Variants in SMAD3 observed in about 807,000 individuals in gnomAD.
SMAD3 encodes the protein SMAD family member 3.
In SMAD3, 12 loss-of-function variants were observed where a neutral mutation model predicts 51.8. The ratio of observed to expected loss-of-function variants is 0.23; its 90% CI spans 0.15 to 0.38. The LOEUF is 0.38. Ranked by LOEUF, SMAD3 falls within the 10% of genes least tolerant of loss-of-function variation. SMAD3 has a pLI of 1.00. For synonymous variants in SMAD3, 238 were observed against 227.7 expected (o/e 1.05, Z -0.41); for missense variants, 294 against 565.6 (o/e 0.52, Z 4.87).
chr15:67,162,231 G>A (rs950184717), intron 1 of SMAD3, among the ~76,000 whole-genome samples: 13 of 152,164 alleles, frequency 8.5e-5, no homozygotes, highest in African/African-American at 2.7e-4. Context: ...GAGTGCCCAT[G>A]AATTCTCTGT....
At chr15:67,144,893 C>A (rs1595926878) in intron 1 of SMAD3, among the ~76,000 whole-genome samples, 1 of 152,100 alleles carries the variant, frequency 6.6e-6, no homozygotes, top group African/African-American at 2.4e-5. Flanking sequence ...TTCTCTGATT[C>A]CTGCTCAGAG....
chr15:67,180,226 TG>T, intron 5 of SMAD3, among the ~76,000 whole-genome samples: 1 of 151,214 alleles, frequency 6.6e-6, no homozygotes, highest in Non-Finnish European at 1.5e-5. Context: ...TCGGTGTGAG[TG>T]GGAATTCCGA....
chr15:67,162,769 C>T (rs553555896), intron 1 of SMAD3, among the ~76,000 whole-genome samples: 1 of 151,894 alleles, frequency 6.6e-6, no homozygotes, highest in Non-Finnish European at 1.5e-5. Context: ...GCCCTTCTCC[C>T]GCACCCCTTT....
In SMAD3 at chr15:67,066,048, G is replaced by T; in HGVS notation, c.-107G>T. Reference sequence around the variant, plus strand: ...TTCGCCGAGAGTTGAGGCGAAGTTTGGGCGACCGCGGCAGGCCCCGGCCGA... The same window carrying T: ...TTCGCCGAGAGTTGAGGCGAAGTTTTGGCGACCGCGGCAGGCCCCGGCCGA... On this transcript the variant is annotated 5_prime_UTR_variant, in exon 1 of 9. Coordinates refer to ENST00000327367, the MANE Select transcript of SMAD3 (RefSeq NM_005902.4). 1.6e-6 allele frequency: 1 copy of T among 623,124 alleles called. No individual in the cohort carries two copies. Among genetic ancestry groups the T allele is most frequent in the Non-Finnish European group, 2.4e-6 (1 of 420,116 alleles). 38.6% of individuals were successfully genotyped at this position (623,124 alleles called of 1,614,324 possible).
At chr15:67,144,501 G>A (rs987254154) in intron 1 of SMAD3, among the ~76,000 whole-genome samples, 1 of 152,102 alleles carries the variant, frequency 6.6e-6, no homozygotes, top group Non-Finnish European at 1.5e-5. Flanking sequence ...TAAAATCCAC[G>A]TAATTAATGA....
intron 1 of SMAD3, among the ~76,000 whole-genome samples, chr15:67,103,757 G>C (rs988346099): frequency 7.9e-5 from 12 of 152,232 alleles, no homozygotes; most frequent in Non-Finnish European, 8.8e-5. Context: ...ACAATGAGGA[G>C]GGTTTCCTCC....
chr15:67,100,865 G>A (rs1355481769), intron 1 of SMAD3, among the ~76,000 whole-genome samples: 2 of 152,236 alleles, frequency 1.3e-5, no homozygotes, highest in African/African-American at 2.4e-5. Flanking sequence ...GCGTACCAGA[G>A]TTGAGCTTTG....
intron 1 of SMAD3, among the ~76,000 whole-genome samples, chr15:67,137,690 A>G (rs1268715178): frequency 6.6e-6 from 1 of 152,144 alleles, no homozygotes; most frequent in Non-Finnish European, 1.5e-5. Flanking sequence ...ATTTTCAACA[A>G]ATGTTTTTGG....
Position 67,190,740 on chromosome 15 carries a change from A to G in SMAD3, c.*204A>G, listed in dbSNP as rs1311950535. On this transcript the variant is annotated 3_prime_UTR_variant, in exon 9 of 9. Transcript: ENST00000327367. ...ATGAACAGCTGTGTCTGCCAAACAC[A>G]TTTACCCTTTGGCCCCACTTTGAAG... The G allele has an allele frequency of 1.6e-6, 1 of 618,506 alleles. No homozygotes were observed. The highest frequency in any genetic ancestry group is 2.6e-5 in the Admixed American group (1 of 37,894). 38.3% of individuals were successfully genotyped at this position (618,506 alleles called of 1,614,324 possible). A position where few individuals can be genotyped will look rare whatever the true frequency, so the allele number is the denominator to read the frequency against.
At chr15:67,186,126 G>A (rs1963216802) in intron 7 of SMAD3, among the ~76,000 whole-genome samples, 1 of 152,242 alleles carries the variant, frequency 6.6e-6, no homozygotes, top group Non-Finnish European at 1.5e-5. Flanking sequence ...CAAGTTCAGA[G>A]AGTTTCAGCC....
At chr15:67,114,306 A>C (rs1175605059) in intron 1 of SMAD3, among the ~76,000 whole-genome samples, 1 of 152,156 alleles carries the variant, frequency 6.6e-6, no homozygotes, top group Non-Finnish European at 1.5e-5. Context: ...GTCCTGGCCA[A>C]AACTGAACAG....
At chr15:67,135,560 A>ATTT (rs1566979658) in intron 1 of SMAD3, among the ~76,000 whole-genome samples, 99 of 136,680 alleles carry the variant, frequency 7.2e-4, no homozygotes, top group South Asian at 2.9e-3. Flanking sequence ...TTTTTTTTTA[A>ATTT]AAAAAACTTT....
At chr15:67,151,397 A>G (rs192742158) in intron 1 of SMAD3, among the ~76,000 whole-genome samples, 2 of 152,036 alleles carry the variant, frequency 1.3e-5, no homozygotes, top group Non-Finnish European at 1.5e-5. Context: ...CAGTGGCACA[A>G]TCTCGGCTCA....
In SMAD3 at chr15:67,194,774, A is replaced by C. The variant is rs2140335174; in HGVS notation, c.*4238A>C. On this transcript the variant is annotated 3_prime_UTR_variant, in exon 9 of 9. Transcript: ENST00000327367. The stretch of plus-strand genomic sequence containing the variant: ...GTGTAAAAACAGACAGCTCTGAGTC[A>C]AATCTGGGCCCTTCCACAAGGGTCC... 4.3e-6 allele frequency: 1 copy of C among 232,484 alleles called. No homozygotes were observed. The highest frequency in any genetic ancestry group is 1.8e-4 in the South Asian group (1 of 5,522). The allele number at this position is 232,484 out of a possible 1,614,324, so 14.4% of individuals were successfully genotyped here.
intron 1 of SMAD3, among the ~76,000 whole-genome samples, chr15:67,150,543 T>C (rs1262655254): frequency 1.3e-5 from 2 of 152,170 alleles, no homozygotes; most frequent in African/African-American, 2.4e-5. Context: ...CAGGAAGTGA[T>C]TCATGGTGCT....
chr15:67,164,093 C>T (rs990473606), intron 1 of SMAD3, among the ~76,000 whole-genome samples: 1 of 151,738 alleles, frequency 6.6e-6, no homozygotes, highest in Non-Finnish European at 1.5e-5. Context: ...GGGCAGATCA[C>T]GAGGTTAGGA....
intron 1 of SMAD3, among the ~76,000 whole-genome samples, chr15:67,115,036 T>C (rs1348758122): frequency 6.6e-6 from 1 of 152,192 alleles, no homozygotes; most frequent in Non-Finnish European, 1.5e-5. Flanking sequence ...CTTACCCATA[T>C]GGACACTACA....
rs564691999 is a variant in SMAD3, at chr15:67,169,617, G to A, written c.608-937G>A. The stretch of plus-strand genomic sequence containing the variant: ...TCCAGCCTCAGCCTTCACCACTTAC[G>A]GCTTATTTTTTTTTTTTTTTTTTTC... On this transcript the variant is annotated intron_variant, in intron 4 of 8. Transcript: ENST00000327367. Among the ~76,000 whole-genome samples, 5 of 146,954 alleles carry A rather than the reference G, an allele frequency of 3.4e-5. No individual in the cohort carries two copies. In the East Asian group the frequency reaches 8.1e-4, roughly 24 times the overall value.
chr15:67,110,614 C>G (rs746806549), intron 1 of SMAD3, among the ~76,000 whole-genome samples: 1 of 152,200 alleles, frequency 6.6e-6, no homozygotes, highest in African/African-American at 2.4e-5. Flanking sequence ...CTTGTTCTGC[C>G]TCTCTGTGTC....
Sources: allele counts gnomAD v4.1 joint callset (sites outside exome capture counted in the v4.1 genomes callset), GRCh38; gene constraint gnomAD v4.1.1; transcripts MANE v1.5; gene names NCBI Gene and HGNC (gene_info 2026-07-23, HGNC 2026-07-21).